VWC2: variants seen among roughly 807,000 people sequenced by gnomAD.
VWC2 encodes the protein brorin.
A neutral mutation model predicts 29.8 loss-of-function variants in VWC2; 14 were observed. The ratio of observed to expected loss-of-function variants is 0.47; its 90% CI spans 0.31 to 0.74. VWC2 has a LOEUF of 0.74. Among genes scored for constraint, VWC2 ranks in the 30% least tolerant of loss-of-function variants. VWC2 has a pLI of 0.05. For missense variants in VWC2, 457 were observed against 459.8 expected (o/e 0.99, Z 0.05); for synonymous variants, 213 against 199.0 (o/e 1.07, Z -0.59).
intron 2 of VWC2, among the ~76,000 whole-genome samples, chr7:49,788,464 T>C (rs1438774192): frequency 6.7e-6 from 1 of 149,586 alleles, no homozygotes; most frequent in Non-Finnish European, 1.5e-5. Context: ...TGTGTGTGTG[T>C]GTGTGAGAGA....
intron 3 of VWC2, among the ~76,000 whole-genome samples, chr7:49,808,061 C>A (rs571084842): frequency 6.6e-6 from 1 of 151,832 alleles, no homozygotes; most frequent in Non-Finnish European, 1.5e-5. Flanking sequence ...TGTAACATTG[C>A]GTTTCCATGA....
At chr7:49,871,629 T>C (rs554662347) in intron 3 of VWC2, among the ~76,000 whole-genome samples, 2 of 151,998 alleles carry the variant, frequency 1.3e-5, no homozygotes, top group Admixed American at 6.5e-5. Context: ...TTTTTATTCA[T>C]TGTGATATGA....
chr7:49,826,507 T>C (rs1198107090), intron 3 of VWC2, among the ~76,000 whole-genome samples: 2 of 152,168 alleles, frequency 1.3e-5, no homozygotes, highest in Non-Finnish European at 2.9e-5. Context: ...ACTATAGCAT[T>C]GCAGATGAAC....
intron 2 of VWC2, among the ~76,000 whole-genome samples, chr7:49,797,604 C>T (rs891430006): frequency 1.3e-5 from 2 of 152,114 alleles, no homozygotes; most frequent in African/African-American, 2.4e-5. Context: ...ACGTGCACAC[C>T]GTTGCTAATT....
Position 49,877,481 on chromosome 7 carries a change from A to AAAAATATACATAC in VWC2, c.827-34552_827-34551insAAATATACATACA. On this transcript the variant is annotated intron_variant, in intron 3 of 3. Transcript: ENST00000340652. ...CTGTCTCAAAAAAAAAAAAAAAAAAAATATATATATATATATATATATATA... is the reference window on the plus strand; with the variant it reads ...CTGTCTCAAAAAAAAAAAAAAAAAAAAAAATATACATACATATATATATATATATATATATATA... Among the ~76,000 whole-genome samples the AAAAATATACATAC allele has an allele frequency of 7.9e-4, 10 of 12,722 alleles. 3 individuals carry two copies. Among genetic ancestry groups the AAAAATATACATAC allele is most frequent in the Admixed American group, 1.4e-3 (1 of 712 alleles). 8.3% of individuals were successfully genotyped at this position (12,722 alleles called of 152,430 possible). A position where few individuals can be genotyped will look rare whatever the true frequency, so the allele number is the denominator to read the frequency against.
intron 2 of VWC2, among the ~76,000 whole-genome samples, chr7:49,799,079 A>G (rs1788671872): frequency 6.6e-6 from 1 of 152,158 alleles, no homozygotes. Flanking sequence ...CATGGCTGAA[A>G]AGGGCAGGGC....
rs931900716 is a variant in VWC2, at chr7:49,797,289, G to T, written c.697-5422G>T. Among the ~76,000 whole-genome samples the T allele has an allele frequency of 5.9e-5, 9 of 152,238 alleles. No individual in the cohort carries two copies. The South Asian group carries it at 1.9e-3, about 32-fold the overall frequency. ...CTATGTTTAAATTAACTCCATCTAT[G>T]AAACCATTACAATTACTTGGAAAAT... On this transcript the variant is annotated intron_variant, in intron 2 of 3. Coordinates refer to ENST00000340652, the MANE Select transcript of VWC2 (RefSeq NM_198570.5).
rs139336882 is a variant in VWC2 at position 49,796,551 on chromosome 7, GC to G, written c.697-6159del. 6.5e-3 allele frequency among the ~76,000 whole-genome samples: 991 copies of G among 152,280 alleles called. 22 individuals are homozygous for G. Among genetic ancestry groups the G allele is most frequent in the African/African-American group, 0.023 (952 of 41,544 alleles). On this transcript the variant is annotated intron_variant, in intron 2 of 3. Transcript: ENST00000340652. Reference sequence around the variant, plus strand: ...AGCTGGATTTGAGAAAAATATGTTTGCATTCCCAGGTAGGTAGGCATCCCGG... The same window carrying G: ...AGCTGGATTTGAGAAAAATATGTTTGATTCCCAGGTAGGTAGGCATCCCGG...
At chr7:49,846,321 C>T (rs967430179) in intron 3 of VWC2, among the ~76,000 whole-genome samples, 2 of 152,194 alleles carry the variant, frequency 1.3e-5, no homozygotes, top group Non-Finnish European at 2.9e-5. Flanking sequence ...CAACAACAAA[C>T]ATAGGTCTTT....
chr7:49,815,879 CG>C (rs755515566), intron 3 of VWC2, among the ~76,000 whole-genome samples: 22 of 152,182 alleles, frequency 1.4e-4, no homozygotes, highest in Non-Finnish European at 2.8e-4. Flanking sequence ...CTTTGCTGTA[CG>C]CCACAAAAGA....
intron 3 of VWC2, among the ~76,000 whole-genome samples, chr7:49,803,425 A>G (rs992879731): frequency 7.2e-5 from 11 of 152,326 alleles, no homozygotes; most frequent in African/African-American, 2.4e-4. Context: ...AGGGCATTAC[A>G]CTATAAGACG....
intron 2 of VWC2, among the ~76,000 whole-genome samples, chr7:49,789,923 G>A (rs1218960888): frequency 6.6e-6 from 1 of 152,234 alleles, no homozygotes; most frequent in East Asian, 1.9e-4. Context: ...GGGGCCCTAC[G>A]GCCCCTTGGC....
intron 3 of VWC2, among the ~76,000 whole-genome samples, chr7:49,893,129 A>C (rs1431490375): frequency 1.3e-5 from 2 of 152,198 alleles, no homozygotes; most frequent in African/African-American, 4.8e-5. Flanking sequence ...GCATGAGAAT[A>C]CTTTAGCCTT....
At chr7:49,840,573 G>A (rs1789772069) in intron 3 of VWC2, among the ~76,000 whole-genome samples, 2 of 152,100 alleles carry the variant, frequency 1.3e-5, no homozygotes, top group Non-Finnish European at 2.9e-5. Context: ...CAGTCAGTTA[G>A]GTTCTCAAAT....
chr7:49,783,848 A>C (rs1788232761), intron 2 of VWC2, among the ~76,000 whole-genome samples: 1 of 152,148 alleles, frequency 6.6e-6, no homozygotes, highest in African/African-American at 2.4e-5. Context: ...CCAGGAGTTT[A>C]AGACCAGCCT....
intron 3 of VWC2, among the ~76,000 whole-genome samples, chr7:49,887,837 T>C (rs530307814): frequency 2.6e-5 from 4 of 152,224 alleles, no homozygotes; most frequent in Non-Finnish European, 4.4e-5. Flanking sequence ...GAAATATCTA[T>C]TCACAAATGT....
chr7:49,783,090 G>A (rs1481706478), intron 2 of VWC2, among the ~76,000 whole-genome samples: 1 of 152,102 alleles, frequency 6.6e-6, no homozygotes, highest in Non-Finnish European at 1.5e-5. Context: ...TTAGGGACTG[G>A]CTCCATGGAG....
chr7:49,828,687 G>A (rs1437417626), intron 3 of VWC2, among the ~76,000 whole-genome samples: 2 of 152,116 alleles, frequency 1.3e-5, no homozygotes, highest in Non-Finnish European at 2.9e-5. Flanking sequence ...GACATCTGGA[G>A]CCTCACTGCT....
At chr7:49,802,013 G>T (rs1372996172) in intron 2 of VWC2, among the ~76,000 whole-genome samples, 1 of 152,174 alleles carries the variant, frequency 6.6e-6, no homozygotes, top group Non-Finnish European at 1.5e-5. Flanking sequence ...GACTTGACAG[G>T]GTTATAGACA....
Sources: allele counts gnomAD v4.1 joint callset (sites outside exome capture counted in the v4.1 genomes callset), GRCh38; gene constraint gnomAD v4.1.1; transcripts MANE v1.5; gene names NCBI Gene and HGNC (gene_info 2026-07-23, HGNC 2026-07-21).